The following CHD8 variants were observed in gnomAD, a reference collection of about 807,000 sequenced individuals.
CHD8 encodes the protein ATP-dependent chromatin remodeler CHD8.
CHD8 carries 31 observed loss-of-function variants against 279.2 expected under a neutral mutation model. The observed-to-expected ratio is 0.11, with a 90% CI of 0.08 to 0.15. The LOEUF (loss-of-function observed/expected upper bound fraction) is 0.15. Ranked by LOEUF, CHD8 falls within the 10% of genes least tolerant of loss-of-function variation. The probability of loss-of-function intolerance (pLI) is 1.00; values close to 1 mark genes in which losing one functional copy is unlikely to be tolerated. For synonymous variants in CHD8, 1,081 were observed against 1,139.6 expected (o/e 0.95, Z 1.04); for missense variants, 2,146 against 3,230.5 (o/e 0.66, Z 8.14).
At position 21,391,886 on chromosome 14, in the gene CHD8, C is replaced by T; in HGVS notation, c.6832G>A (p.Asp2278Asn). Residue 2278 changes from aspartate to asparagine, a missense_variant, in exon 35 of 38, where the codon GAT (aspartate) becomes AAT (asparagine). By Grantham distance (23) the Asp-to-Asn change is conservative. Around this residue, in one of 26 missense-constraint regions of CHD8, gnomAD observed 336 missense variants for 392.9 expected, o/e 0.86. Transcript: ENST00000646647. ...TTCTTATGAAACAGTGGATGTCCAT[C>T]TCCCATTACTCCATTCGCCATCAAC... is the stretch of plus-strand genomic sequence containing the variant. The part of the protein sequence containing the change: ...HKLMANGVMG[D>N]GHPLFHKKKG... The T allele has an allele frequency of 6.2e-7, 1 of 1,613,980 alleles. No homozygotes were observed. Among genetic ancestry groups the T allele is most frequent in the Non-Finnish European group, 8.5e-7 (1 of 1,179,860 alleles).
chr14:21,397,671 G>A, intron 27 of CHD8, 152 bp downstream of exon 27: 1 of 692,324 alleles, frequency 1.4e-6, no homozygotes, highest in South Asian at 1.9e-5. Context: ...GGTTTATGCA[G>A]TTTATGGAGT....
At chr14:21,407,351 C>G (rs1015489620) in intron 13 of CHD8, among the ~76,000 whole-genome samples, 1 of 152,088 alleles carries the variant, frequency 6.6e-6, no homozygotes, top group African/African-American at 2.4e-5. Flanking sequence ...AAATCCACAA[C>G]TGCTGGACAA....
In CHD8 at chr14:21,429,106, G is replaced by A. The variant is rs770552534; in HGVS notation, c.1073C>T (p.Pro358Leu). ...QQKIQIVPQP[P>L]SSQPQPQQPP... ...CTGCTGGGGCTGTGGCTGCGATGAT[G>A]GTGGTTGTGGTACAATCTGGATTTT... The change falls in exon 3 of 38, where the codon CCA becomes CTA. Residue 358 changes from proline (P) to leucine (L), a missense_variant. Around this residue, in one of 26 missense-constraint regions of CHD8, gnomAD observed 170 missense variants for 189.9 expected, o/e 0.90. Coordinates refer to ENST00000646647, the MANE Select transcript of CHD8 (RefSeq NM_001170629.2). The A allele has an allele frequency of 3.7e-6, 6 of 1,613,824 alleles. No individual in the cohort carries two copies.
intron 8 of CHD8, 191 bp downstream of exon 8, chr14:21,414,747 C>G: frequency 1.6e-6 from 1 of 634,274 alleles, no homozygotes. Flanking sequence ...ACCCCACTTA[C>G]CTACAAGGAA....
At chr14:21,417,381 A>G (rs541880857) in intron 5 of CHD8, among the ~76,000 whole-genome samples, 98 of 152,110 alleles carry the variant, frequency 6.4e-4, no homozygotes, top group Non-Finnish European at 1.3e-3. Flanking sequence ...GGTTCAATAA[A>G]TTATGCTATA....
chr14:21,399,462 T>G, intron 26 of CHD8, 140 bp downstream of exon 26: 1 of 649,882 alleles, frequency 1.5e-6, no homozygotes, highest in Non-Finnish European at 2.8e-6. Flanking sequence ...GCTCTGGATA[T>G]TTAAGAACTA....
intron 1 of CHD8, among the ~76,000 whole-genome samples, chr14:21,450,068 T>C (rs1322349369): frequency 6.6e-6 from 1 of 152,090 alleles, no homozygotes; most frequent in African/African-American, 2.4e-5. Flanking sequence ...TGAGTAAAAG[T>C]TCAATGTTTA....
intron 37 of CHD8, among the ~76,000 whole-genome samples, chr14:21,387,108 A>T (rs1887284611): frequency 6.6e-6 from 1 of 152,256 alleles, no homozygotes; most frequent in African/African-American, 2.4e-5. Context: ...CTGACTAAAA[A>T]TTCTGATTAA....
At chr14:21,386,453 G>A (rs938462691) in intron 37 of CHD8, 3 of 472,696 alleles carry the variant, frequency 6.3e-6, no homozygotes, top group East Asian at 7.2e-5. Flanking sequence ...TGACTATATT[G>A]TATCTTTACT....
rs373286849 is a variant in CHD8, at chr14:21,395,840, G to C, written c.5104C>G (p.Pro1702Ala). The C allele has an allele frequency of 5.6e-6, 9 of 1,610,360 alleles. No individual in the cohort carries two copies. The highest frequency in any genetic ancestry group is 7.6e-6 in the Non-Finnish European group (9 of 1,177,148). The change falls in exon 28 of 38, where the codon CCC (proline) becomes GCC (alanine). Residue 1702 changes from proline to alanine, a missense_variant. By Grantham distance (27) the Pro-to-Ala change is conservative. Around this residue, in one of 26 missense-constraint regions of CHD8, gnomAD observed 75 missense variants for 81.3 expected, o/e 0.92. Transcript: ENST00000646647. ...ACCTCATCATCTTGGTCCTTTGGGG[G>C]ACCTTGGAGTGGTTTATATTCAGGA... ...EDPEYKPLQG[P>A]PKDQDDEGDP...
intron 1 of CHD8, among the ~76,000 whole-genome samples, chr14:21,452,174 G>A (rs1890272066): frequency 6.6e-6 from 1 of 152,176 alleles, no homozygotes; most frequent in Non-Finnish European, 1.5e-5. Context: ...CCGAGTAGCT[G>A]GGCCTACAGG....
At chr14:21,388,806 G>T (rs548414464) in intron 37 of CHD8, among the ~76,000 whole-genome samples, 1 of 152,242 alleles carries the variant, frequency 6.6e-6, no homozygotes, top group African/African-American at 2.4e-5. Flanking sequence ...ATATATAAAG[G>T]ACTCGAGCAT....
At position 21,386,836 on chromosome 14, in the gene CHD8, C is replaced by CA. The variant is rs36092694; in HGVS notation, c.7183-661dup. On this transcript the variant is annotated intron_variant, in intron 37 of 37. Coordinates refer to ENST00000646647, the MANE Select transcript of CHD8 (RefSeq NM_001170629.2). Reference sequence around the variant, plus strand: ...CCTGAGCGACAGCGAGACTCCGTCTCAAAAAAAAAAAAAAAATCACTCGTG... The same window carrying CA: ...CCTGAGCGACAGCGAGACTCCGTCTCAAAAAAAAAAAAAAAAATCACTCGTG... Among the ~76,000 whole-genome samples the CA allele has an allele frequency of 2.7e-3, 355 of 133,700 alleles. 1 individual carries two copies. The highest frequency in any genetic ancestry group is 0.013 in the Middle Eastern group (3 of 238). The allele number at this position is 133,700 out of a possible 152,430, so 87.7% of individuals were successfully genotyped here.
At position 21,424,369 on chromosome 14, in the gene CHD8, C is replaced by T. The variant is rs868347129; in HGVS notation, c.1716+1759G>A. 3.3e-5 allele frequency among the ~76,000 whole-genome samples: 5 copies of T among 152,166 alleles called. No individual in the cohort carries two copies. The South Asian group carries it at 8.3e-4, about 25-fold the overall frequency. On this transcript the variant is annotated intron_variant, in intron 5 of 37. Coordinates refer to ENST00000646647, the MANE Select transcript of CHD8 (RefSeq NM_001170629.2). ...ACTGTGTTTTATTAATCTGTTTTTTCTTCTCCAATTTCAAAGTCTTAGTAA... is the reference window on the plus strand; with the variant it reads ...ACTGTGTTTTATTAATCTGTTTTTTTTTCTCCAATTTCAAAGTCTTAGTAA...
chr14:21,396,797 G>C (rs533835245), intron 27 of CHD8: 1 of 151,900 alleles, frequency 6.6e-6, no homozygotes, highest in Non-Finnish European at 1.5e-5. Flanking sequence ...TGCTGGTCTC[G>C]AACTGATGAC....
Position 21,441,627 on chromosome 14 carries a change from G to C in CHD8, c.-215-9769C>G, listed in dbSNP as rs1053938122. On this transcript the variant is annotated intron_variant, in intron 1 of 37. Coordinates refer to ENST00000646647, the MANE Select transcript of CHD8 (RefSeq NM_001170629.2). ...CCTAGAGCTGGGCGTGGTGGCTCAT[G>C]CCTGTAATCCCAGCACTTTGGGAGG... 5.9e-5 allele frequency among the ~76,000 whole-genome samples: 9 copies of C among 152,066 alleles called. No individual in the cohort carries two copies. The East Asian group carries it at 7.7e-4, about 13-fold the overall frequency.
Position 21,397,809 on chromosome 14 carries a change from A to T in CHD8, c.5051+14T>A. ...ACAAGTTAGAGTTTTAAAAGAACAA[A>T]TACTAATGCTTACCCTTCTACTATG... is the stretch of plus-strand genomic sequence containing the variant. On this transcript the variant is annotated intron_variant, in intron 27 of 37. Coordinates refer to ENST00000646647, the MANE Select transcript of CHD8 (RefSeq NM_001170629.2). The T allele has an allele frequency of 6.2e-7, 1 of 1,612,494 alleles. No homozygotes were observed. The highest frequency in any genetic ancestry group is 8.5e-7 in the Non-Finnish European group (1 of 1,179,000).
Position 21,408,656 on chromosome 14 carries a change from A to G in CHD8, c.2486+48T>C. 3.2e-6 allele frequency: 5 copies of G among 1,579,054 alleles called. No homozygotes were observed. Among genetic ancestry groups the G allele is most frequent in the Non-Finnish European group, 4.3e-6 (5 of 1,163,938 alleles). ...TTGTTTCAATAGAAAACAAATAAAA[A>G]TAATCCCAGAACTAAGCTTACATCT... On this transcript the variant is annotated intron_variant, in intron 12 of 37. Coordinates refer to ENST00000646647, the MANE Select transcript of CHD8 (RefSeq NM_001170629.2). The surrounding 1 kb of genome is among the most constrained non-coding windows in gnomAD (Gnocchi z 4.3).
Position 21,430,914 on chromosome 14 carries a change from G to A in CHD8, c.730C>T (p.Pro244Ser). The A allele has an allele frequency of 6.3e-7, 1 of 1,599,498 alleles. No individual in the cohort carries two copies. Among genetic ancestry groups the A allele is most frequent in the Non-Finnish European group, 8.5e-7 (1 of 1,179,770 alleles). Residue 244 changes from proline (P) to serine (S), a missense_variant, in exon 2 of 38, where the codon CCA (proline) becomes TCA (serine). Transcript: ENST00000646647. ...GGCTGGAGGACCAGCTGCTTTACTGGTCGGCTGGGCTGGACAATGCGCTGA... is the reference window on the plus strand; with the variant it reads ...GGCTGGAGGACCAGCTGCTTTACTGATCGGCTGGGCTGGACAATGCGCTGA... ...AVQRIVQPSR[P>S]VKQLVLQPVK...
Sources: allele counts gnomAD v4.1 joint callset (sites outside exome capture counted in the v4.1 genomes callset), GRCh38; gene constraint gnomAD v4.1.1; regional missense constraint gnomAD v4.1.1; non-coding constraint Gnocchi (gnomAD v3.1); transcripts MANE v1.5; gene names NCBI Gene and HGNC (gene_info 2026-07-23, HGNC 2026-07-21).